FAAH2: variants seen among roughly 807,000 people sequenced by gnomAD.
FAAH2 encodes fatty acid amide hydrolase 2, also known as fatty-acid amide hydrolase 2.
A neutral mutation model predicts 36.9 loss-of-function variants in FAAH2; 60 were observed. The observed-to-expected ratio is 1.63, with a 90% CI of 1.32 to 2.02. The LOEUF (loss-of-function observed/expected upper bound fraction) is 2.02. FAAH2 is among the 30% of genes most tolerant of loss of function. FAAH2 has a pLI of 0.00. For synonymous variants in FAAH2, 214 were observed against 143.8 expected, an observed-to-expected ratio of 1.49 and a Z score of -3.49; for missense variants, 689 against 397.5, an observed-to-expected ratio of 1.73 and a Z score of -6.23.
the FAAH2 span, among the ~76,000 whole-genome samples, chrX:57,201,901 G>T: frequency 9.1e-6 from 1 of 110,246 alleles, no homozygotes; most frequent in African/African-American, 3.3e-5. Flanking sequence ...TTTTTTTTCT[G>T]CTTGATAATT....
intron 3 of FAAH2, among the ~76,000 whole-genome samples, chrX:57,315,423 C>T (rs1188905616): frequency 9.0e-6 from 1 of 111,289 alleles, no homozygotes; most frequent in Non-Finnish European, 1.9e-5. Flanking sequence ...GCTATCATCA[C>T]CCTAATACAA....
At chrX:57,449,923 C>T (rs1320703667) in intron 10 of FAAH2, among the ~76,000 whole-genome samples, 1 of 111,670 alleles carries the variant, frequency 9.0e-6, no homozygotes, top group South Asian at 3.8e-4. Flanking sequence ...GCCTTGGCCT[C>T]CCAGAGTGCT....
intron 5 of FAAH2, among the ~76,000 whole-genome samples, chrX:57,353,893 G>T (rs182168007): frequency 9.0e-6 from 1 of 111,082 alleles, no homozygotes; most frequent in African/African-American, 3.3e-5. Context: ...CAAAACCAAT[G>T]TGAGATTATA....
At chrX:57,248,789 T>A in the FAAH2 span, among the ~76,000 whole-genome samples, 2 of 73,525 alleles carry the variant, frequency 2.7e-5, no homozygotes, top group African/African-American at 5.4e-5. Context: ...AATCGAATAG[T>A]GTGTCTTTTT....
At chrX:57,412,026 G>A (rs961774165) in intron 7 of FAAH2, among the ~76,000 whole-genome samples, 11 of 111,344 alleles carry the variant, frequency 9.9e-5, no homozygotes, top group Non-Finnish European at 1.3e-4. Flanking sequence ...GTAATATTTC[G>A]ATACAAGTAT....
At chrX:57,258,631 C>T in the FAAH2 span, among the ~76,000 whole-genome samples, 1 of 110,564 alleles carries the variant, frequency 9.0e-6, no homozygotes, top group East Asian at 2.8e-4. Context: ...TTAAAAATGA[C>T]CAAAAAACCT....
At chrX:57,479,190 A>G (rs1279070612) in intron 10 of FAAH2, among the ~76,000 whole-genome samples, 2 of 111,133 alleles carry the variant, frequency 1.8e-5, no homozygotes, top group Admixed American at 9.6e-5. Flanking sequence ...GTTCTCCTTG[A>G]AGAGGTCCTT....
the FAAH2 span, among the ~76,000 whole-genome samples, chrX:57,238,225 A>G: frequency 9.8e-5 from 11 of 112,232 alleles, no homozygotes; most frequent in African/African-American, 3.6e-4. Context: ...TATTCACAAT[A>G]GCAAACTCAT....
chrX:57,234,645 A>T, the FAAH2 span, among the ~76,000 whole-genome samples: 1 of 111,630 alleles, frequency 9.0e-6, no homozygotes, highest in African/African-American at 3.3e-5. Context: ...AACCTTGCAT[A>T]CACAGTTCAC....
intron 3 of FAAH2, among the ~76,000 whole-genome samples, chrX:57,319,469 G>A (rs1252569506): frequency 1.8e-5 from 2 of 111,804 alleles, no homozygotes; most frequent in Middle Eastern, 4.6e-3. Context: ...TACAAGGGAT[G>A]TGAAGGACCT....
chrX:57,479,622 T>C (rs1225625500), intron 10 of FAAH2, among the ~76,000 whole-genome samples: 1 of 111,460 alleles, frequency 9.0e-6, no homozygotes, highest in Non-Finnish European at 1.9e-5. Flanking sequence ...TGGCTGTGGG[T>C]TTGTCATAGA....
the FAAH2 span, among the ~76,000 whole-genome samples, chrX:57,157,694 G>A: frequency 8.9e-6 from 1 of 111,878 alleles, no homozygotes; most frequent in Admixed American, 9.5e-5. Context: ...ATCACCTGAC[G>A]TTTTGGTTCT....
chrX:57,362,562 TGTTGATG>T (rs1297677109), intron 5 of FAAH2, among the ~76,000 whole-genome samples: 1 of 111,906 alleles, frequency 8.9e-6, no homozygotes, highest in Non-Finnish European at 1.9e-5. Context: ...CTGTTTACTC[TGTTGATG>T]GTTTCTTTTG....
chrX:57,295,265 G>T (rs976988118), intron 2 of FAAH2, among the ~76,000 whole-genome samples: 1 of 112,063 alleles, frequency 8.9e-6, no homozygotes, highest in African/African-American at 3.2e-5. Context: ...ATAGGAAACT[G>T]GAATCAACTA....
the FAAH2 span, among the ~76,000 whole-genome samples, chrX:57,142,916 A>G: frequency 2.7e-5 from 3 of 111,709 alleles, no homozygotes; most frequent in Non-Finnish European, 5.6e-5. Flanking sequence ...TGATATAAGT[A>G]TAGTTATTCC....
chrX:57,275,275 C>T, the FAAH2 span, among the ~76,000 whole-genome samples: 4 of 112,330 alleles, frequency 3.6e-5, no homozygotes, highest in Non-Finnish European at 7.5e-5. Context: ...CAAACTTTTA[C>T]ATTTATCTCT....
intron 2 of FAAH2, among the ~76,000 whole-genome samples, chrX:57,309,740 A>T (rs1033535029): frequency 1.8e-5 from 2 of 111,345 alleles, no homozygotes; most frequent in Admixed American, 9.6e-5. Context: ...TTTGCTGAGG[A>T]TAATGGCTTC....
the FAAH2 span, among the ~76,000 whole-genome samples, chrX:57,260,759 GTA>G: frequency 6.9e-3 from 756 of 109,802 alleles, 6 homozygotes; most frequent in Non-Finnish European, 0.01. Flanking sequence ...GTGTGTGTGT[GTA>G]TATATATATG....
chrX:57,256,551 G>C, the FAAH2 span, among the ~76,000 whole-genome samples: 1 of 111,279 alleles, frequency 9.0e-6, no homozygotes, highest in African/African-American at 3.3e-5. Flanking sequence ...AACTCAAGAT[G>C]GACCAAAGAC....
Sources: allele counts gnomAD v4.1 joint callset (sites outside exome capture counted in the v4.1 genomes callset), GRCh38; gene constraint gnomAD v4.1.1; transcripts MANE v1.5; gene names NCBI Gene and HGNC (gene_info 2026-07-23, HGNC 2026-07-21).